The following SLX4IP variants were observed in gnomAD, a reference collection of about 807,000 sequenced individuals.
SLX4IP encodes the protein SLX4 interacting protein.
SLX4IP carries 34 observed loss-of-function variants against 32.9 expected under a neutral mutation model. That is an observed-to-expected ratio of 1.03 (90% CI 0.79 to 1.38). SLX4IP has a LOEUF of 1.38. Among genes scored for constraint, SLX4IP ranks in the 40% most tolerant of loss-of-function variants. SLX4IP has a pLI of 0.00. For missense variants in SLX4IP, 444 were observed against 479.0 expected, an observed-to-expected ratio of 0.93 and a Z score of 0.68; for synonymous variants, 172 against 171.7, an observed-to-expected ratio of 1.00 and a Z score of -0.01.
Position 10,626,887 on chromosome 20 carries a change from A to T in SLX4IP, c.*3508A>T, listed in dbSNP as rs1257554219. The T allele has an allele frequency of 6.6e-6, 1 of 152,184 alleles. No individual in the cohort carries two copies. Among genetic ancestry groups the T allele is most frequent in the African/African-American group, 2.4e-5 (1 of 41,436 alleles). The allele number at this position is 152,184 out of a possible 1,614,324, so 9.4% of individuals were successfully genotyped here. ...TAGCTTCTCTCTGAAGTATCTCAAGATATATCTTGGGGACCACAATGGGAT... is the reference window on the plus strand; with the variant it reads ...TAGCTTCTCTCTGAAGTATCTCAAGTTATATCTTGGGGACCACAATGGGAT... On this transcript the variant is annotated 3_prime_UTR_variant, in exon 8 of 8. Coordinates refer to ENST00000334534, the MANE Select transcript of SLX4IP (RefSeq NM_001009608.3).
intron 6 of SLX4IP, among the ~76,000 whole-genome samples, chr20:10,604,654 A>G (rs1165092705): frequency 6.6e-6 from 1 of 152,216 alleles, no homozygotes; most frequent in East Asian, 1.9e-4. Context: ...AGCGCCAGGG[A>G]GGTCTGTCCC....
intron 2 of SLX4IP, among the ~76,000 whole-genome samples, chr20:10,549,295 C>G (rs535125890): frequency 2.0e-5 from 3 of 152,160 alleles, no homozygotes; most frequent in Non-Finnish European, 4.4e-5. Context: ...CTTTCACTGC[C>G]TCACTGCACT....
At chr20:10,467,192 A>G (rs909203862) in intron 2 of SLX4IP, among the ~76,000 whole-genome samples, 1 of 152,172 alleles carries the variant, frequency 6.6e-6, no homozygotes, top group Non-Finnish European at 1.5e-5. Flanking sequence ...GGTACTGACT[A>G]TTATCAGTGC....
intron 2 of SLX4IP, among the ~76,000 whole-genome samples, chr20:10,547,133 T>C (rs1436673346): frequency 6.6e-6 from 1 of 152,180 alleles, no homozygotes; most frequent in Non-Finnish European, 1.5e-5. Context: ...TACAGCACTC[T>C]GGGTCAAAAC....
chr20:10,455,579 TTTTATTTATTTATTTA>T (rs142542742), intron 1 of SLX4IP, among the ~76,000 whole-genome samples: 89 of 144,998 alleles, frequency 6.1e-4, no homozygotes, highest in African/African-American at 9.4e-4. Flanking sequence ...CCTGTATGTC[TTTTATTTATTTATTTA>T]TTTATTTATT....
At chr20:10,463,031 G>A (rs569838095) in intron 2 of SLX4IP, among the ~76,000 whole-genome samples, 1 of 152,244 alleles carries the variant, frequency 6.6e-6, no homozygotes, top group East Asian at 1.9e-4. Context: ...TTCAGCCTGG[G>A]CAACATAGAG....
chr20:10,498,900 C>T (rs935458007), intron 2 of SLX4IP, among the ~76,000 whole-genome samples: 23 of 151,880 alleles, frequency 1.5e-4, no homozygotes, highest in Non-Finnish European at 5.9e-5. Context: ...AGAACAATAG[C>T]GATTCTTATT....
At chr20:10,472,312 C>G (rs225144) in intron 2 of SLX4IP, among the ~76,000 whole-genome samples, 76,644 of 151,000 alleles carry the variant, frequency 0.51, 20,879 homozygotes, top group East Asian at 0.83. Context: ...CTTACTGCAA[C>G]CTGTGCCTCC....
intron 4 of SLX4IP, among the ~76,000 whole-genome samples, chr20:10,589,549 TGA>T (rs1349772445): frequency 3.9e-5 from 6 of 152,084 alleles, no homozygotes; most frequent in Non-Finnish European, 8.8e-5. Flanking sequence ...TGGAATAAAG[TGA>T]GTCAGAAAGA....
At chr20:10,452,676 A>ATATATATATATATAT (rs764822188) in intron 1 of SLX4IP, among the ~76,000 whole-genome samples, 9 of 97,968 alleles carry the variant, frequency 9.2e-5, no homozygotes, top group African/African-American at 3.2e-4. Flanking sequence ...AAAAAAAAAA[A>ATATATATATATATAT]AAAAATATAT....
At chr20:10,464,934 C>A (rs1359644123) in intron 2 of SLX4IP, among the ~76,000 whole-genome samples, 1 of 152,074 alleles carries the variant, frequency 6.6e-6, no homozygotes, top group African/African-American at 2.4e-5. Flanking sequence ...GGACTACAGG[C>A]GGCACTGCCA....
At chr20:10,516,691 A>G (rs1338153780) in intron 2 of SLX4IP, among the ~76,000 whole-genome samples, 1 of 152,248 alleles carries the variant, frequency 6.6e-6, no homozygotes, top group Non-Finnish European at 1.5e-5. Context: ...ATATCAAGTA[A>G]TAATAAGTTT....
intron 4 of SLX4IP, among the ~76,000 whole-genome samples, chr20:10,573,833 C>A (rs930562566): frequency 2.6e-5 from 4 of 152,300 alleles, no homozygotes; most frequent in African/African-American, 9.6e-5. Context: ...TACATTTCTT[C>A]CCATAATGGA....
chr20:10,529,488 G>T (rs1375673988), intron 2 of SLX4IP, among the ~76,000 whole-genome samples: 3 of 150,350 alleles, frequency 2.0e-5, no homozygotes, highest in African/African-American at 7.3e-5. Flanking sequence ...CTACTTGGAA[G>T]GCTGAGGCAG....
intron 2 of SLX4IP, among the ~76,000 whole-genome samples, chr20:10,478,118 T>G (rs674579): frequency 1.3e-5 from 2 of 151,726 alleles, no homozygotes; most frequent in African/African-American, 2.4e-5. Context: ...AGGCTGGTCT[T>G]GAACTCCTGA....
At chr20:10,586,361 T>C (rs2066645340) in intron 4 of SLX4IP, among the ~76,000 whole-genome samples, 1 of 152,190 alleles carries the variant, frequency 6.6e-6, no homozygotes, top group African/African-American at 2.4e-5. Flanking sequence ...AGAAATTACT[T>C]GATTGGTTAT....
At chr20:10,439,172 T>G (rs2065140765) in intron 1 of SLX4IP, among the ~76,000 whole-genome samples, 1 of 152,202 alleles carries the variant, frequency 6.6e-6, no homozygotes, top group Non-Finnish European at 1.5e-5. Flanking sequence ...CATTCTCACA[T>G]TGCTTTGTTC....
At chr20:10,506,491 A>T (rs2065761027) in intron 2 of SLX4IP, among the ~76,000 whole-genome samples, 1 of 152,204 alleles carries the variant, frequency 6.6e-6, no homozygotes, top group Non-Finnish European at 1.5e-5. Flanking sequence ...AACAAGACAG[A>T]CAGGCCTTAT....
intron 4 of SLX4IP, among the ~76,000 whole-genome samples, chr20:10,584,298 G>C (rs2122529390): frequency 6.6e-6 from 1 of 152,288 alleles, no homozygotes; most frequent in South Asian, 2.1e-4. Context: ...TTTAGGCCTT[G>C]AGTGGCTTAG....
Sources: gnomAD v4.1 joint callset for allele counts (sites outside exome capture counted in the v4.1 genomes callset) on GRCh38, gnomAD v4.1.1 for gene constraint, MANE v1.5 for transcripts, NCBI Gene and HGNC (gene_info 2026-07-23, HGNC 2026-07-21) for gene names.